ANK2: variants seen among roughly 807,000 people sequenced by gnomAD.
ANK2 encodes the protein ankyrin 2.
Under a neutral mutation model 360.5 loss-of-function variants are expected in ANK2, and 83 were observed. The observed-to-expected ratio is 0.23, with a 90% CI of 0.19 to 0.28. The LOEUF is 0.28. Ranked by LOEUF, ANK2 falls within the 10% of genes least tolerant of loss-of-function variation. The pLI, the probability that ANK2 is intolerant of heterozygous loss-of-function variation, is 1.00. For missense variants in ANK2, 4,201 were observed against 4,795.7 expected (o/e 0.88, Z 3.66); for synonymous variants, 1,740 against 1,759.5 (o/e 0.99, Z 0.28).
intron 2 of ANK2, among the ~76,000 whole-genome samples, chr4:113,013,269 G>C (rs10025489): frequency 0.56 from 84,898 of 151,892 alleles, 25,585 homozygotes; most frequent in Non-Finnish European, 0.69. Context: ...GTTTTGATTC[G>C]GTAGTCCCTA....
At chr4:113,189,560 A>G (rs2098615224) in intron 2 of ANK2, among the ~76,000 whole-genome samples, 1 of 151,902 alleles carries the variant, frequency 6.6e-6, no homozygotes. Flanking sequence ...TAATTTGAAA[A>G]CTCTGTATCA....
intron 1 of ANK2, among the ~76,000 whole-genome samples, chr4:113,147,316 G>A (rs758130348): frequency 1.3e-5 from 2 of 152,164 alleles, no homozygotes; most frequent in African/African-American, 2.4e-5. Flanking sequence ...CAGGAGAGCC[G>A]CTCTGGACTT....
At chr4:112,866,555 A>T (rs2070625656) in intron 1 of ANK2, among the ~76,000 whole-genome samples, 1 of 152,354 alleles carries the variant, frequency 6.6e-6, no homozygotes, top group South Asian at 2.1e-4. Flanking sequence ...CAGAAAAATG[A>T]TAAAACATTA....
chr4:112,797,215 T>C, the ANK2 span: 1 of 156,492 alleles, frequency 6.4e-6, no homozygotes, highest in South Asian at 1.9e-4. Context: ...CTGCACTCTC[T>C]TCTTCCTGTA....
chr4:112,767,144 A>G, the ANK2 span, among the ~76,000 whole-genome samples: 1 of 152,236 alleles, frequency 6.6e-6, no homozygotes, highest in Non-Finnish European at 1.5e-5. Context: ...CTTTAATTAA[A>G]TTCCACAGGT....
chr4:113,257,913 A>G, intron 11 of ANK2, 137 bp from the exon 12 acceptor site: 2 of 902,262 alleles, frequency 2.2e-6, no homozygotes, highest in Non-Finnish European at 3.6e-6. Context: ...TTCTTTCCAA[A>G]TTCCAACACC....
intron 2 of ANK2, among the ~76,000 whole-genome samples, chr4:113,189,238 A>G (rs530697533): frequency 1.3e-5 from 2 of 152,306 alleles, no homozygotes; most frequent in South Asian, 4.1e-4. Flanking sequence ...ATGATGGAAA[A>G]CAGAGTACCA....
upstream of ANK2, among the ~76,000 whole-genome samples, chr4:113,046,731 G>A (rs892680136): frequency 6.6e-5 from 10 of 151,996 alleles, no homozygotes; most frequent in South Asian, 2.1e-4. Flanking sequence ...TGTTATAGCA[G>A]CACCAACACA....
intron 2 of ANK2, among the ~76,000 whole-genome samples, chr4:113,014,651 T>C (rs952014860): frequency 3.9e-5 from 6 of 152,124 alleles, no homozygotes; most frequent in Non-Finnish European, 8.8e-5. Context: ...TTTTTTTTGT[T>C]TTTTGGTTAG....
At chr4:113,222,179 C>G (rs1475256097) in intron 4 of ANK2, among the ~76,000 whole-genome samples, 3 of 152,152 alleles carry the variant, frequency 2.0e-5, no homozygotes, top group Non-Finnish European at 4.4e-5. Context: ...CTTACTAACA[C>G]CACCCAAATT....
At chr4:113,049,997 G>A (rs2066221649) in intron 1 of ANK2, among the ~76,000 whole-genome samples, 185 bp downstream of exon 1, 1 of 152,198 alleles carries the variant, frequency 6.6e-6, no homozygotes, top group African/African-American at 2.4e-5. Flanking sequence ...TAGTAAAGGA[G>A]CCATGGCTCA....
chr4:113,021,410 A>T (rs1238219390), intron 2 of ANK2, among the ~76,000 whole-genome samples: 1 of 151,728 alleles, frequency 6.6e-6, no homozygotes, highest in Non-Finnish European at 1.5e-5. Flanking sequence ...GATCTAATGT[A>T]GTCTCTCACT....
At chr4:113,195,016 G>A (rs927059698) in intron 2 of ANK2, among the ~76,000 whole-genome samples, 1 of 152,036 alleles carries the variant, frequency 6.6e-6, no homozygotes, top group African/African-American at 2.4e-5. Flanking sequence ...ATACCTTGAT[G>A]CAGCTTCCCC....
At chr4:113,343,605 A>G (rs1293773055) in intron 34 of ANK2, among the ~76,000 whole-genome samples, 2 of 152,180 alleles carry the variant, frequency 1.3e-5, no homozygotes, top group Non-Finnish European at 2.9e-5. Context: ...GACTTGATAT[A>G]TTTTCATAAA....
intron 1 of ANK2, among the ~76,000 whole-genome samples, chr4:112,866,235 A>G (rs1236440670): frequency 6.6e-6 from 1 of 152,180 alleles, no homozygotes; most frequent in African/African-American, 2.4e-5. Context: ...AATCCTAGAC[A>G]AGAAAAAAAT....
At chr4:112,899,853 T>C (rs2082769647) in intron 1 of ANK2, among the ~76,000 whole-genome samples, 1 of 152,144 alleles carries the variant, frequency 6.6e-6, no homozygotes, top group Non-Finnish European at 1.5e-5. Context: ...GAACAGTGTC[T>C]CATTCACCTT....
intron 5 of ANK2, among the ~76,000 whole-genome samples, chr4:113,235,281 T>C (rs1438740943): frequency 6.6e-6 from 1 of 152,210 alleles, no homozygotes; most frequent in African/African-American, 2.4e-5. Context: ...CAGGCTACTA[T>C]TTTTCATCTT....
At chr4:113,009,741 C>G (rs1403857778) in intron 2 of ANK2, among the ~76,000 whole-genome samples, 2 of 152,070 alleles carry the variant, frequency 1.3e-5, no homozygotes, top group Non-Finnish European at 2.9e-5. Flanking sequence ...CTGTATGTGT[C>G]TTCTGTAAAG....
At position 113,242,242 on chromosome 4, in the gene ANK2, T is replaced by C. The variant is rs369457227; in HGVS notation, c.891+33T>C. 16 of 1,580,558 alleles carry C rather than the reference T, an allele frequency of 1.0e-5. No homozygotes were observed. The African/African-American group carries it at 2.2e-4, about 21-fold the overall frequency. On this transcript the variant is annotated intron_variant, in intron 9 of 45. Coordinates refer to ENST00000357077, the MANE Select transcript of ANK2 (RefSeq NM_001148.6). ...TCTCTGTTCTTTCAATTTTCTACCATTATTATTTCTTTCAAGCCTCATAGA... is the reference window on the plus strand; with the variant it reads ...TCTCTGTTCTTTCAATTTTCTACCACTATTATTTCTTTCAAGCCTCATAGA...
Sources: gnomAD v4.1 joint callset for allele counts (sites outside exome capture counted in the v4.1 genomes callset) on GRCh38, gnomAD v4.1.1 for gene constraint, MANE v1.5 for transcripts, NCBI Gene and HGNC (gene_info 2026-07-23, HGNC 2026-07-21) for gene names.